The following SLC22A4 variants were observed in gnomAD, a reference collection of about 807,000 sequenced individuals.
SLC22A4 encodes the protein ET transporter.
In SLC22A4, 39 loss-of-function variants were observed where a neutral mutation model predicts 56.6. The ratio of observed to expected loss-of-function variants is 0.69; its 90% CI spans 0.53 to 0.90. The LOEUF (loss-of-function observed/expected upper bound fraction) is 0.90. Among genes scored for constraint, SLC22A4 ranks in the 40% least tolerant of loss-of-function variants. SLC22A4 has a pLI of 0.00. For missense variants in SLC22A4, 594 were observed against 696.5 expected (o/e 0.85, Z 1.66); for synonymous variants, 241 against 281.4 (o/e 0.86, Z 1.44).
Position 132,336,122 on chromosome 5 carries a change from T to A in SLC22A4, c.1444+122T>A, listed in dbSNP as rs538333857. 1.7e-5 allele frequency: 17 copies of A among 1,007,680 alleles called. No homozygotes were observed. In the African/African-American group the frequency reaches 2.5e-4, roughly 15 times the overall value. The allele number at this position is 1,007,680 out of a possible 1,614,324, so 62.4% of individuals were successfully genotyped here. On this transcript the variant is annotated intron_variant, in intron 8 of 9. Transcript: ENST00000200652. ...CTGGAAAAAAGTACAAGTTCACCTCTCCTCTCCCAGGAGGAGCTCTAGAAA... is the reference window on the plus strand; with the variant it reads ...CTGGAAAAAAGTACAAGTTCACCTCACCTCTCCCAGGAGGAGCTCTAGAAA...
intron 9 of SLC22A4, among the ~76,000 whole-genome samples, 154 bp downstream of exon 9, chr5:132,340,854 G>C (rs1417472549): frequency 6.6e-6 from 1 of 152,186 alleles, no homozygotes; most frequent in Non-Finnish European, 1.5e-5. Context: ...AGTGGCTCAC[G>C]CCTGTAATCC....
chr5:132,331,486 CTA>C (rs1750858130), intron 5 of SLC22A4, among the ~76,000 whole-genome samples: 1 of 152,118 alleles, frequency 6.6e-6, no homozygotes, highest in African/African-American at 2.4e-5. Context: ...CAGAGAAAGG[CTA>C]TGTTAGCCAA....
chr5:132,331,869 G>A lies in SLC22A4; in HGVS notation c.1046+19G>A, dbSNP rs201264912. ...TGCTATGGTAAGTAATAAGTGACCTGGAAATGCAGATATCCAGCACATAAG... is the reference window on the plus strand; with the variant it reads ...TGCTATGGTAAGTAATAAGTGACCTAGAAATGCAGATATCCAGCACATAAG... On this transcript the variant is annotated intron_variant, in intron 6 of 9. Transcript: ENST00000200652. 1.2e-5 allele frequency: 18 copies of A among 1,465,018 alleles called. No individual in the cohort carries two copies. Among genetic ancestry groups the A allele is most frequent in the Admixed American group, 1.7e-5 (1 of 59,832 alleles). 90.8% of individuals were successfully genotyped at this position (1,465,018 alleles called of 1,614,324 possible).
chr5:132,327,164 A>C (rs970317634), intron 4 of SLC22A4, 113 bp from the exon 5 acceptor site: 204 of 873,464 alleles, frequency 2.3e-4, no homozygotes, highest in Non-Finnish European at 3.3e-4. Flanking sequence ...GACTCCCTTT[A>C]AAAAGACAAA....
chr5:132,314,529 C>G (rs879106363), intron 3 of SLC22A4, among the ~76,000 whole-genome samples: 1 of 152,174 alleles, frequency 6.6e-6, no homozygotes, highest in Admixed American at 6.5e-5. Flanking sequence ...ATCCCTGGGA[C>G]AGTAGACACC....
At chr5:132,315,096 T>C (rs1750304691) in intron 3 of SLC22A4, among the ~76,000 whole-genome samples, 1 of 152,200 alleles carries the variant, frequency 6.6e-6, no homozygotes, top group Non-Finnish European at 1.5e-5. Flanking sequence ...AATTGCAACC[T>C]CCTAGTCCCC....
At chr5:132,298,586 A>C (rs1248431109) in intron 1 of SLC22A4, among the ~76,000 whole-genome samples, 1 of 152,274 alleles carries the variant, frequency 6.6e-6, no homozygotes, top group Non-Finnish European at 1.5e-5. Context: ...AAAATGGCTA[A>C]GATGGTAAAC....
intron 8 of SLC22A4, among the ~76,000 whole-genome samples, chr5:132,337,761 A>C (rs535781767): frequency 7.1e-6 from 1 of 141,240 alleles, no homozygotes; most frequent in African/African-American, 2.7e-5. Flanking sequence ...TTGGAGATGG[A>C]GTCTCACTCT....
chr5:132,327,588 T>G (rs1280062214), intron 5 of SLC22A4, among the ~76,000 whole-genome samples, 185 bp downstream of exon 5: 1 of 152,242 alleles, frequency 6.6e-6, no homozygotes, highest in Non-Finnish European at 1.5e-5. Context: ...AAGAATTAAA[T>G]GCAATAATAT....
intron 3 of SLC22A4, among the ~76,000 whole-genome samples, chr5:132,314,767 C>T (rs1250353290): frequency 1.3e-5 from 2 of 152,228 alleles, no homozygotes; most frequent in African/African-American, 4.8e-5. Context: ...ATGGTGTGTA[C>T]ACCTTCTGTC....
At chr5:132,328,865 A>ACG (rs1750765836) in intron 5 of SLC22A4, among the ~76,000 whole-genome samples, 1 of 150,684 alleles carries the variant, frequency 6.6e-6, no homozygotes, top group African/African-American at 2.4e-5. Context: ...ACACACACAC[A>ACG]CACGCATATA....
In SLC22A4 at chr5:132,322,234, G is replaced by A. The variant is rs755317078; in HGVS notation, c.703G>A (p.Val235Met). The change falls in exon 4 of 10, where the codon GTG becomes ATG. Residue 235 changes from valine to methionine, a missense_variant. Physicochemically the swap from Val to Met is conservative, Grantham distance 21. Coordinates refer to ENST00000200652, the MANE Select transcript of SLC22A4 (RefSeq NM_003059.3). The part of the protein sequence containing the change: ...SVRIIFSTLG[V>M]CTFFAVGYML... Reference sequence around the variant, plus strand: ...TCGTATTATATTCTCTACATTAGGAGTGTGCACATTTTTTGCAGTTGGCTA... The same window carrying A: ...TCGTATTATATTCTCTACATTAGGAATGTGCACATTTTTTGCAGTTGGCTA... 8 of 1,614,016 alleles carry A rather than the reference G, an allele frequency of 5.0e-6. No homozygotes were observed. Among genetic ancestry groups the A allele is most frequent in the Non-Finnish European group, 5.9e-6 (7 of 1,179,930 alleles).
chr5:132,323,000 TA>T (rs1290420309), intron 4 of SLC22A4, among the ~76,000 whole-genome samples: 1 of 152,164 alleles, frequency 6.6e-6, no homozygotes, highest in Non-Finnish European at 1.5e-5. Context: ...AAGAATAAAT[TA>T]AAAATCATAG....
intron 3 of SLC22A4, among the ~76,000 whole-genome samples, chr5:132,314,083 A>C (rs889072722): frequency 1.4e-4 from 21 of 152,218 alleles, no homozygotes; most frequent in Non-Finnish European, 2.8e-4. Flanking sequence ...GTTTAGGGGA[A>C]GGGCAGCCTG....
At chr5:132,306,407 A>G (rs1750036150) in intron 1 of SLC22A4, among the ~76,000 whole-genome samples, 1 of 53,808 alleles carries the variant, frequency 1.9e-5, no homozygotes, top group South Asian at 6.4e-4. Context: ...ATATATATAT[A>G]TATATATATA....
chr5:132,294,561 T>A lies in SLC22A4; in HGVS notation c.-56T>A. ...GGAGCGCCCCAGCTACAAGACACTG[T>A]CCTGAGAACGCTGTCATCACCCGTA... On this transcript the variant is annotated 5_prime_UTR_variant, in exon 1 of 10. Transcript: ENST00000200652. The surrounding 1 kb of genome is among the most constrained non-coding windows in gnomAD (Gnocchi z 5.6). 25 of 1,613,064 alleles carry A rather than the reference T, an allele frequency of 1.5e-5. No individual in the cohort carries two copies. Among genetic ancestry groups the A allele is most frequent in the Non-Finnish European group, 2.1e-5 (25 of 1,179,736 alleles).
chr5:132,300,784 G>A (rs945381654), intron 1 of SLC22A4, among the ~76,000 whole-genome samples: 3 of 152,194 alleles, frequency 2.0e-5, no homozygotes, highest in African/African-American at 4.8e-5. Context: ...GTCACAGCTC[G>A]TTGCTAAGTT....
Position 132,327,403 on chromosome 5 carries a change from G to A in SLC22A4, c.951G>A (p.Glu317=). Reference sequence around the variant, plus strand: ...CAGCAGTGATATTTGATTCTGTGGAGGTAAGCATTTGCAGATGTTTCCTCT... The same window carrying A: ...CAGCAGTGATATTTGATTCTGTGGAAGTAAGCATTTGCAGATGTTTCCTCT... ...AVPAVIFDSV[E]ELNPLKQQKA... Residue 317 remains glutamate (E), a splice_region_variant and synonymous_variant, in exon 5 of 10, where the codon GAG becomes GAA. Coordinates refer to ENST00000200652, the MANE Select transcript of SLC22A4 (RefSeq NM_003059.3). 6.2e-7 allele frequency: 1 copy of A among 1,612,644 alleles called. No homozygotes were observed. The highest frequency in any genetic ancestry group is 8.5e-7 in the Non-Finnish European group (1 of 1,178,730).
At chr5:132,322,106 C>A in intron 3 of SLC22A4, 78 bp from the exon 4 acceptor site, 1 of 1,321,550 alleles carries the variant, frequency 7.6e-7, no homozygotes, top group Non-Finnish European at 1.1e-6. Flanking sequence ...AGTTTGAACT[C>A]TAACTGCCAC....
Sources: gnomAD v4.1 joint callset for allele counts (sites outside exome capture counted in the v4.1 genomes callset) on GRCh38, gnomAD v4.1.1 for gene constraint, Gnocchi (gnomAD v3.1) non-coding constraint, MANE v1.5 for transcripts, NCBI Gene and HGNC (gene_info 2026-07-23, HGNC 2026-07-21) for gene names.